Variants in CCDC178 observed in about 807,000 individuals in gnomAD.
The protein encoded by CCDC178 is coiled-coil domain containing 178.
In CCDC178, 126 loss-of-function variants were observed where a neutral mutation model predicts 117.4. The ratio of observed to expected loss-of-function variants is 1.07; its 90% CI spans 0.93 to 1.24. The LOEUF (loss-of-function observed/expected upper bound fraction) is 1.24, where lower values mean the gene tolerates loss of function less well. Among genes scored for constraint, CCDC178 ranks in the 50% most tolerant of loss-of-function variants. The pLI is 0.00. For synonymous variants in CCDC178, 283 were observed against 313.4 expected (o/e 0.90, Z 1.02); for missense variants, 1,030 against 986.9 (o/e 1.04, Z -0.59).
At chr18:33,335,925 A>T (rs562446881) in intron 9 of CCDC178, among the ~76,000 whole-genome samples, 1 of 152,202 alleles carries the variant, frequency 6.6e-6, no homozygotes, top group South Asian at 2.1e-4. Flanking sequence ...TTGGAACATT[A>T]TCTGAGATAA....
At chr18:32,987,138 A>G (rs1168652116) in intron 21 of CCDC178, among the ~76,000 whole-genome samples, 1 of 151,944 alleles carries the variant, frequency 6.6e-6, no homozygotes, top group Non-Finnish European at 1.5e-5. Context: ...GAGATACTAG[A>G]AAGAGGTAAA....
chr18:32,947,533 C>T (rs539654320), intron 22 of CCDC178, among the ~76,000 whole-genome samples: 1 of 152,090 alleles, frequency 6.6e-6, no homozygotes, highest in Non-Finnish European at 1.5e-5. Flanking sequence ...AATCTTTTGC[C>T]CTTTTCTTTT....
At chr18:33,276,258 T>C (rs984571109) in intron 12 of CCDC178, among the ~76,000 whole-genome samples, 1 of 152,132 alleles carries the variant, frequency 6.6e-6, no homozygotes, top group Non-Finnish European at 1.5e-5. Context: ...ATATTTCAAA[T>C]GTTGTGGCCT....
intron 20 of CCDC178, among the ~76,000 whole-genome samples, chr18:33,131,238 C>A (rs1042471881): frequency 1.1e-4 from 17 of 151,804 alleles, no homozygotes; most frequent in African/African-American, 4.1e-4. Flanking sequence ...TAGGTGCTCT[C>A]AACTTTATTT....
chr18:33,247,917 G>C (rs2059570127), intron 14 of CCDC178, among the ~76,000 whole-genome samples: 1 of 151,716 alleles, frequency 6.6e-6, no homozygotes, highest in African/African-American at 2.4e-5. Context: ...GTTGTGTAAA[G>C]ACTAGAGAAA....
intron 22 of CCDC178, among the ~76,000 whole-genome samples, chr18:32,967,086 A>T (rs1354561046): frequency 6.6e-6 from 1 of 151,786 alleles, no homozygotes; most frequent in Non-Finnish European, 1.5e-5. Context: ...TAGAATAAGT[A>T]TATTGTTATT....
intron 6 of CCDC178, among the ~76,000 whole-genome samples, chr18:33,357,466 T>C (rs548649463): frequency 2.0e-5 from 3 of 152,156 alleles, no homozygotes; most frequent in Non-Finnish European, 4.4e-5. Flanking sequence ...ACAGTTCAAC[T>C]GCTATTTATT....
chr18:33,338,859 AC>A (rs1347094595), intron 9 of CCDC178, among the ~76,000 whole-genome samples: 1 of 152,110 alleles, frequency 6.6e-6, no homozygotes, highest in Non-Finnish European at 1.5e-5. Flanking sequence ...ATGTAACCCA[AC>A]ACCACCTGTT....
intron 3 of CCDC178, among the ~76,000 whole-genome samples, chr18:33,397,613 T>C (rs2063656630): frequency 6.6e-6 from 1 of 152,128 alleles, no homozygotes; most frequent in Non-Finnish European, 1.5e-5. Context: ...CCTTATGACA[T>C]AGCCCAGTTT....
At chr18:33,403,491 A>G (rs2063737730) in intron 3 of CCDC178, among the ~76,000 whole-genome samples, 1 of 147,286 alleles carries the variant, frequency 6.8e-6, no homozygotes, top group African/African-American at 2.5e-5. Flanking sequence ...ATGACATCCA[A>G]AAAAAAAAAA....
At chr18:33,204,537 G>A (rs962312910) in intron 20 of CCDC178, among the ~76,000 whole-genome samples, 5 of 152,078 alleles carry the variant, frequency 3.3e-5, no homozygotes, top group Non-Finnish European at 7.4e-5. Flanking sequence ...AGTCTCGAAG[G>A]CACATCTTGT....
At chr18:33,404,248 A>C (rs909268418) in intron 3 of CCDC178, among the ~76,000 whole-genome samples, 2 of 152,120 alleles carry the variant, frequency 1.3e-5, no homozygotes, top group African/African-American at 2.4e-5. Context: ...AATACACAAC[A>C]CTAATGCAAG....
chr18:33,105,111 T>C (rs2057687137), intron 20 of CCDC178, among the ~76,000 whole-genome samples: 1 of 151,716 alleles, frequency 6.6e-6, no homozygotes, highest in African/African-American at 2.4e-5. Context: ...CTGGAATTTG[T>C]AATGAGGCAT....
intron 5 of CCDC178, among the ~76,000 whole-genome samples, chr18:33,382,005 G>A (rs562236626): frequency 3.2e-4 from 49 of 152,030 alleles, no homozygotes; most frequent in Middle Eastern, 3.4e-3. Flanking sequence ...CTTATTTGCC[G>A]TCTTATAAAT....
chr18:32,970,172 GTTATAA>G (rs1568188436), intron 22 of CCDC178, among the ~76,000 whole-genome samples: 1 of 151,756 alleles, frequency 6.6e-6, no homozygotes, highest in Non-Finnish European at 1.5e-5. Context: ...CTTTGTTCCA[GTTATAA>G]CTCATCTTAT....
chr18:33,318,394 T>C (rs757571458), intron 11 of CCDC178, among the ~76,000 whole-genome samples: 12 of 152,294 alleles, frequency 7.9e-5, no homozygotes, highest in Non-Finnish European at 1.8e-4. Flanking sequence ...TTTCTCGTAG[T>C]TGGTGGTTGC....
At chr18:33,306,871 A>C (rs915314122) in intron 11 of CCDC178, among the ~76,000 whole-genome samples, 1 of 152,066 alleles carries the variant, frequency 6.6e-6, no homozygotes, top group African/African-American at 2.4e-5. Flanking sequence ...ATAAGTTATC[A>C]TAAGATCTGA....
chr18:33,211,707 T>C (rs1386531965), intron 20 of CCDC178, among the ~76,000 whole-genome samples, 189 bp downstream of exon 20: 1 of 151,888 alleles, frequency 6.6e-6, no homozygotes, highest in Non-Finnish European at 1.5e-5. Flanking sequence ...AAAAGTACAA[T>C]ATGCTCTATG....
At chr18:33,319,600 C>G (rs1024961062) in intron 11 of CCDC178, among the ~76,000 whole-genome samples, 106 of 152,212 alleles carry the variant, frequency 7.0e-4, no homozygotes, top group African/African-American at 2.3e-3. Context: ...AGTTCTAGAT[C>G]CTTGAGGAAT....
Sources: gnomAD v4.1 joint callset for allele counts (sites outside exome capture counted in the v4.1 genomes callset) on GRCh38, gnomAD v4.1.1 for gene constraint, MANE v1.5 for transcripts, NCBI Gene and HGNC (gene_info 2026-07-23, HGNC 2026-07-21) for gene names.